The following MCM5 variants were observed in gnomAD, a reference collection of about 807,000 sequenced individuals.
MCM5 encodes DNA replication licensing factor MCM5.
Under a neutral mutation model 79.9 loss-of-function variants are expected in MCM5, and 46 were observed. The ratio of observed to expected loss-of-function variants is 0.58; its 90% CI spans 0.45 to 0.74. The LOEUF (loss-of-function observed/expected upper bound fraction) is 0.74, where lower values mean the gene tolerates loss of function less well. Ranked by LOEUF, MCM5 falls within the 30% of genes least tolerant of loss-of-function variation. MCM5 has a pLI of 0.00. For missense variants in MCM5, 883 were observed against 1,017.0 expected (o/e 0.87, Z 1.79); for synonymous variants, 404 against 390.5 (o/e 1.03, Z -0.41).
chr22:35,421,507 G>T, intron 15 of MCM5, 47 bp downstream of exon 15: 3 of 1,612,468 alleles, frequency 1.9e-6, no homozygotes, highest in Non-Finnish European at 1.7e-6. Context: ...GGGTTCCCTG[G>T]CTCGGAGCTC....
chr22:35,423,953 C>G (rs1033383168), intron 16 of MCM5: 1 of 538,114 alleles, frequency 1.9e-6, no homozygotes, highest in Non-Finnish European at 3.3e-6. Flanking sequence ...CCAGCTCTAC[C>G]TCTTAATTGC....
chr22:35,433,090 A>G, the MCM5 span, among the ~76,000 whole-genome samples: 10,198 of 151,850 alleles, frequency 0.067, 1,230 homozygotes, highest in African/African-American at 0.24. Context: ...ATGCACCACC[A>G]TGTCTGGCTT....
At chr22:35,448,282 G>A in the MCM5 span, among the ~76,000 whole-genome samples, 10 of 152,226 alleles carry the variant, frequency 6.6e-5, no homozygotes, top group South Asian at 2.1e-3. Context: ...ACGGGAAGGC[G>A]AAGTTGGCTT....
chr22:35,426,566 T>C (rs1433849158), downstream of MCM5, among the ~76,000 whole-genome samples: 1 of 152,172 alleles, frequency 6.6e-6, no homozygotes, highest in African/African-American at 2.4e-5. Context: ...CCAGCGGACA[T>C]TTCTCTCTGC....
chr22:35,446,427 C>A, the MCM5 span, among the ~76,000 whole-genome samples: 2 of 152,146 alleles, frequency 1.3e-5, no homozygotes, highest in African/African-American at 2.4e-5. Flanking sequence ...TCTCTCACAC[C>A]AGCCATATGT....
chr22:35,449,758 C>T, the MCM5 span, among the ~76,000 whole-genome samples: 1 of 152,132 alleles, frequency 6.6e-6, no homozygotes, highest in Non-Finnish European at 1.5e-5. Context: ...GGGCCAAATC[C>T]TACTCATCCT....
At chr22:35,452,812 T>C in the MCM5 span, among the ~76,000 whole-genome samples, 1 of 152,320 alleles carries the variant, frequency 6.6e-6, no homozygotes, top group Admixed American at 6.5e-5. Context: ...TACAGCACTC[T>C]ACGTGCTGTA....
At chr22:35,407,858 GCAGGGA>G (rs1013643198) in intron 5 of MCM5, among the ~76,000 whole-genome samples, 4 of 152,244 alleles carry the variant, frequency 2.6e-5, no homozygotes, top group African/African-American at 9.6e-5. Context: ...CTCCACAAGA[GCAGGGA>G]CCTTTTTGTT....
At chr22:35,421,975 A>G (rs979041202) in intron 15 of MCM5, 13 of 224,310 alleles carry the variant, frequency 5.8e-5, no homozygotes, top group African/African-American at 3.0e-4. Context: ...ACCATAAGCC[A>G]TACTGTCTGG....
chr22:35,427,949 A>AGAAT (rs1932788481), downstream of MCM5, among the ~76,000 whole-genome samples: 1 of 151,250 alleles, frequency 6.6e-6, no homozygotes, highest in African/African-American at 2.4e-5. Context: ...CTGAGGCAGG[A>AGAAT]GAATCACTTG....
intron 4 of MCM5, among the ~76,000 whole-genome samples, chr22:35,405,020 ATTTTT>A (rs35626347): frequency 8.7e-6 from 1 of 114,362 alleles, no homozygotes. Context: ...CTAGAGGCCA[ATTTTT>A]TTTTTTTTTT....
At chr22:35,420,040 G>A (rs1361697867) in intron 14 of MCM5, 28 bp downstream of exon 14, 1 of 1,583,720 alleles carries the variant, frequency 6.3e-7, no homozygotes, top group Admixed American at 1.8e-5. Flanking sequence ...GCTGGGCCAT[G>A]GCAGATGGGG....
the MCM5 span, among the ~76,000 whole-genome samples, chr22:35,442,008 C>G: frequency 2.0e-5 from 3 of 152,118 alleles, no homozygotes; most frequent in Non-Finnish European, 2.9e-5. Flanking sequence ...TCCAGTCTCC[C>G]CTGTTCCCTT....
chr22:35,419,758 A>G (rs1291641970), intron 13 of MCM5, 126 bp from the exon 14 acceptor site: 3 of 926,544 alleles, frequency 3.2e-6, no homozygotes, highest in Middle Eastern at 2.9e-4. Context: ...CCCAGCCCAT[A>G]TGAGTGGGCA....
At position 35,416,779 on chromosome 22, in the gene MCM5, A is replaced by C. The variant is rs1271107180; in HGVS notation, c.1555A>C (p.Ile519Leu). The change falls in exon 12 of 17, where the codon ATC becomes CTC. Residue 519 changes from isoleucine (I) to leucine (L), a missense_variant. By Grantham distance (5) the Ile-to-Leu change is conservative (BLOSUM62 2). This residue lies in a region of MCM5 where 426 missense variants were observed against 482.3 expected (regional missense o/e 0.88). Transcript: ENST00000216122. ...TILSRFDMIF[I>L]VKDEHNEERD... ...CTTGTCGCGCTTCGACATGATCTTC[A>C]TCGTCAAGGATGAGCACAATGAGGA... 6.2e-7 allele frequency: 1 copy of C among 1,613,850 alleles called. No homozygotes were observed. Among genetic ancestry groups the C allele is most frequent in the African/African-American group, 1.3e-5 (1 of 74,866 alleles).
the MCM5 span, among the ~76,000 whole-genome samples, chr22:35,450,622 C>A: frequency 6.6e-6 from 1 of 152,310 alleles, no homozygotes; most frequent in African/African-American, 2.4e-5. Flanking sequence ...CAGTCACTGA[C>A]CAGGGACTTC....
At position 35,405,310 on chromosome 22, in the gene MCM5, A is replaced by G. The variant is rs561321041; in HGVS notation, c.424-1243A>G. The stretch of plus-strand genomic sequence containing the variant: ...TGTGGCCCTGGAGTTCTTTTGAAAC[A>G]AGTCCCATACATCATATAATTTGAT... On this transcript the variant is annotated intron_variant, in intron 4 of 16. Coordinates refer to ENST00000216122, the MANE Select transcript of MCM5 (RefSeq NM_006739.4). 2.6e-5 allele frequency among the ~76,000 whole-genome samples: 4 copies of G among 151,898 alleles called. No individual in the cohort carries two copies. In the South Asian group the frequency reaches 8.3e-4, roughly 32 times the overall value.
chr22:35,434,239 A>T, the MCM5 span, among the ~76,000 whole-genome samples: 4 of 151,872 alleles, frequency 2.6e-5, no homozygotes, highest in African/African-American at 9.7e-5. Flanking sequence ...GGATGCTCAG[A>T]CACTTAGTAA....
In MCM5 at chr22:35,419,888, T is replaced by A. The variant is rs779644537; in HGVS notation, c.1708T>A (p.Cys570Ser). The part of the protein sequence containing the change: ...KKFIAYCRVK[C>S]GPRLSAEAAE... ...CCTCTCCCCACTGTCCTGCAGGAAG[T>A]GTGGCCCCCGGCTGTCAGCAGAGGC... is the stretch of plus-strand genomic sequence containing the variant. The change falls in exon 14 of 17, where the codon TGT (cysteine) becomes AGT (serine). Residue 570 changes from cysteine (C) to serine (S), a missense_variant. By Grantham distance (112) the Cys-to-Ser change is moderately radical. This residue lies in a region of MCM5 where 426 missense variants were observed against 482.3 expected (regional missense o/e 0.88). Coordinates refer to ENST00000216122, the MANE Select transcript of MCM5 (RefSeq NM_006739.4). The A allele has an allele frequency of 2.5e-6, 4 of 1,611,258 alleles. No homozygotes were observed. The highest frequency in any genetic ancestry group is 2.5e-6 in the Non-Finnish European group (3 of 1,178,500).
Sources: gnomAD v4.1 joint callset for allele counts (sites outside exome capture counted in the v4.1 genomes callset) on GRCh38, gnomAD v4.1.1 for gene constraint, gnomAD v4.1.1 regional missense constraint, MANE v1.5 for transcripts, NCBI Gene and HGNC (gene_info 2026-07-23, HGNC 2026-07-21) for gene names.